The following PPP2R5C variants were observed in gnomAD, a reference collection of about 807,000 sequenced individuals.
PPP2R5C encodes serine/threonine-protein phosphatase 2A 56 kDa regulatory subunit gamma isoform.
In PPP2R5C, 7 loss-of-function variants were observed where a neutral mutation model predicts 68.9. The ratio of observed to expected loss-of-function variants is 0.10; its 90% CI spans 0.06 to 0.19. PPP2R5C has a LOEUF of 0.19. Among genes scored for constraint, PPP2R5C ranks in the 10% least tolerant of loss-of-function variants. The probability of loss-of-function intolerance (pLI) is 1.00; values close to 1 mark genes in which losing one functional copy is unlikely to be tolerated. For missense variants in PPP2R5C, 348 were observed against 641.3 expected, an observed-to-expected ratio of 0.54 and a Z score of 4.94; for synonymous variants, 210 against 222.2, an observed-to-expected ratio of 0.95 and a Z score of 0.49.
At chr14:101,784,287 G>A (rs1053512675) in intron 2 of PPP2R5C, among the ~76,000 whole-genome samples, 11 of 152,106 alleles carry the variant, frequency 7.2e-5, no homozygotes, top group Non-Finnish European at 1.3e-4. Context: ...GCTCTCCTTG[G>A]CCCTAAACTA....
At chr14:101,841,255 C>T (rs1305235190) in intron 1 of PPP2R5C, among the ~76,000 whole-genome samples, 4 of 152,106 alleles carry the variant, frequency 2.6e-5, no homozygotes, top group African/African-American at 9.7e-5. Flanking sequence ...TTCCTGTCTT[C>T]GAGGCTTTAC....
chr14:101,920,366 C>T (rs944361073), intron 13 of PPP2R5C, among the ~76,000 whole-genome samples: 2 of 152,218 alleles, frequency 1.3e-5, no homozygotes, highest in Non-Finnish European at 2.9e-5. Context: ...TATGGCCATC[C>T]ACGTGTCTAC....
chr14:101,793,949 C>A (rs1440088374), intron 3 of PPP2R5C, among the ~76,000 whole-genome samples: 2 of 152,238 alleles, frequency 1.3e-5, no homozygotes, highest in East Asian at 1.9e-4. Context: ...CAAGCCACTT[C>A]TTTCCAACAT....
chr14:101,914,963 A>C (rs1054400080), intron 12 of PPP2R5C, among the ~76,000 whole-genome samples: 2 of 152,224 alleles, frequency 1.3e-5, no homozygotes, highest in African/African-American at 2.4e-5. Context: ...AACTGCCATG[A>C]GCAACCCAGG....
At chr14:101,890,143 C>T in intron 5 of PPP2R5C, 94 bp from the exon 8 acceptor site, 1 of 1,175,776 alleles carries the variant, frequency 8.5e-7, no homozygotes, top group Non-Finnish European at 1.3e-6. Context: ...AGATGCGCTT[C>T]TTGTTGCCTG....
intron 1 of PPP2R5C, among the ~76,000 whole-genome samples, chr14:101,846,030 C>A (rs1331182379): frequency 6.6e-6 from 1 of 152,198 alleles, no homozygotes; most frequent in African/African-American, 2.4e-5. Flanking sequence ...GTTTCAGCAT[C>A]CCTGGTGACA....
intron 2 of PPP2R5C, among the ~76,000 whole-genome samples, chr14:101,872,608 G>A (rs1307831679): frequency 1.3e-5 from 2 of 152,036 alleles, no homozygotes; most frequent in African/African-American, 2.4e-5. Context: ...ACTTTTGCTC[G>A]CCTGTTGTCT....
chr14:101,847,755 T>C (rs1314834344), intron 1 of PPP2R5C, among the ~76,000 whole-genome samples: 1 of 150,514 alleles, frequency 6.6e-6, no homozygotes, highest in Non-Finnish European at 1.5e-5. Context: ...CTCCGCCTCC[T>C]GGGTTCAAGC....
intron 2 of PPP2R5C, among the ~76,000 whole-genome samples, chr14:101,859,928 G>C (rs1307935294): frequency 2.2e-5 from 3 of 134,130 alleles, no homozygotes; most frequent in African/African-American, 8.5e-5. Context: ...TTTTTTTTTT[G>C]AAGAATCCAA....
rs746781850 is a variant in PPP2R5C, at chr14:101,797,032, C to T, written c.259+10849C>T. On this transcript the variant is annotated intron_variant, in intron 3 of 14. Coordinates refer to the PPP2R5C transcript ENST00000328724. The surrounding 1 kb of genome is among the most constrained non-coding windows in gnomAD (Gnocchi z 4.2). ...AATGCTGTACACCCATCACTACTATCTCTACCCAAAACTTTTCATCATCCC... is the reference window on the plus strand; with the variant it reads ...AATGCTGTACACCCATCACTACTATTTCTACCCAAAACTTTTCATCATCCC... 7 of 411,382 alleles carry T rather than the reference C, an allele frequency of 1.7e-5. No individual in the cohort carries two copies. The highest frequency in any genetic ancestry group is 3.4e-5 in the Non-Finnish European group (7 of 203,156). 25.5% of individuals were successfully genotyped at this position (411,382 alleles called of 1,614,324 possible).
At chr14:101,874,735 GTTGT>G (rs781236225) in intron 2 of PPP2R5C, among the ~76,000 whole-genome samples, 1 of 152,132 alleles carries the variant, frequency 6.6e-6, no homozygotes, top group Non-Finnish European at 1.5e-5. Context: ...AGGTTTGTAA[GTTGT>G]TTGTTTTTTT....
intron 3 of PPP2R5C, among the ~76,000 whole-genome samples, chr14:101,786,875 A>G (rs1204704443): frequency 1.3e-5 from 2 of 152,246 alleles, no homozygotes; most frequent in African/African-American, 4.8e-5. Context: ...TTACTAAAAT[A>G]TAAGACAGAT....
intron 2 of PPP2R5C, among the ~76,000 whole-genome samples, chr14:101,779,564 T>G (rs1183931511): frequency 6.6e-6 from 1 of 152,080 alleles, no homozygotes; most frequent in Non-Finnish European, 1.5e-5. Context: ...TTTGAGAATC[T>G]GAGAGTGGCC....
At chr14:101,817,054 T>C (rs1407624021) in intron 1 of PPP2R5C, among the ~76,000 whole-genome samples, 1 of 149,482 alleles carries the variant, frequency 6.7e-6, no homozygotes, top group Non-Finnish European at 1.5e-5. Flanking sequence ...GCCTCCTGGG[T>C]TCAAGCAATT....
intron 2 of PPP2R5C, among the ~76,000 whole-genome samples, chr14:101,876,672 G>A (rs946027392): frequency 2.6e-5 from 4 of 152,196 alleles, no homozygotes; most frequent in African/African-American, 9.7e-5. Context: ...GGAAGTGTCA[G>A]GGAGGCAGCA....
intron 1 of PPP2R5C, among the ~76,000 whole-genome samples, chr14:101,830,976 C>T (rs1240524312): frequency 6.6e-6 from 1 of 152,188 alleles, no homozygotes; most frequent in Non-Finnish European, 1.5e-5. Context: ...TAAGTTTCTT[C>T]ATTCAGCAAA....
At chr14:101,852,837 T>C (rs979099571) in intron 1 of PPP2R5C, among the ~76,000 whole-genome samples, 2 of 152,144 alleles carry the variant, frequency 1.3e-5, no homozygotes, top group African/African-American at 4.8e-5. Context: ...TTTTCTCCTC[T>C]TCTCCTACGG....
At chr14:101,765,220 C>T (rs1169238966) in intron 2 of PPP2R5C, 2 of 702,692 alleles carry the variant, frequency 2.8e-6, no homozygotes, top group Non-Finnish European at 5.2e-6. Context: ...AATGTTGGGC[C>T]CTTCACTGCT....
At chr14:101,815,727 T>C (rs2039619264) in intron 1 of PPP2R5C, among the ~76,000 whole-genome samples, 1 of 152,242 alleles carries the variant, frequency 6.6e-6, no homozygotes, top group South Asian at 2.1e-4. Context: ...TGGGGTGCAG[T>C]GGCGTGATCT....
Sources: allele counts gnomAD v4.1 joint callset (sites outside exome capture counted in the v4.1 genomes callset), GRCh38; gene constraint gnomAD v4.1.1; non-coding constraint Gnocchi (gnomAD v3.1); transcripts MANE v1.5; gene names NCBI Gene and HGNC (gene_info 2026-07-23, HGNC 2026-07-21).